ATP5MC2: variants seen among roughly 807,000 people sequenced by gnomAD.
ATP5MC2 encodes the protein ATP synthase F(0) complex subunit C2, mitochondrial.
A neutral mutation model predicts 13.5 loss-of-function variants in ATP5MC2; 11 were observed. The observed-to-expected ratio is 0.81, with a 90% CI of 0.51 to 1.35. The LOEUF (loss-of-function observed/expected upper bound fraction) is 1.35. ATP5MC2 is among the 40% of genes most tolerant of loss of function. The probability of loss-of-function intolerance (pLI) is 0.00; values close to 1 mark genes in which losing one functional copy is unlikely to be tolerated. For missense variants in ATP5MC2, 132 were observed against 175.0 expected, an observed-to-expected ratio of 0.75 and a Z score of 1.39; for synonymous variants, 64 against 69.7, an observed-to-expected ratio of 0.92 and a Z score of 0.41.
At chr12:53,680,092 C>T (rs1945333120), upstream of ATP5MC2, among the ~76,000 whole-genome samples, 1 of 152,118 alleles carries the variant, frequency 6.6e-6, no homozygotes, top group East Asian at 1.9e-4. Context: ...TTCAATTGAT[C>T]CACCTGCCTC....
upstream of ATP5MC2, among the ~76,000 whole-genome samples, chr12:53,678,942 C>G (rs549272706): frequency 2.9e-4 from 44 of 152,048 alleles, no homozygotes; most frequent in South Asian, 9.2e-3. Context: ...GCCTCCCTGC[C>G]CAGTGGTGAC....
Position 53,669,267 on chromosome 12 carries a change from A to T in ATP5MC2, c.192T>A (p.Ile64=). 1 of 1,614,138 alleles carries T rather than the reference A, an allele frequency of 6.2e-7. No homozygotes were observed. The highest frequency in any genetic ancestry group is 8.5e-7 in the Non-Finnish European group (1 of 1,180,008). ...VSSRSFQTSA[I]SRDIDTAAKF... is the part of the protein sequence containing the mutation. Reference sequence around the variant, plus strand: ...TGGCTGCTGTGTCGATGTCCCTTGAAATGGCGCTGGTTTGGAAGCTGCGGC... The same window carrying T: ...TGGCTGCTGTGTCGATGTCCCTTGATATGGCGCTGGTTTGGAAGCTGCGGC... The change falls in exon 4 of 5, where the codon ATT becomes ATA. Residue 64 remains isoleucine (I), a synonymous_variant. Transcript: ENST00000394349.
Position 53,672,572 on chromosome 12 carries a change from T to TC in ATP5MC2, c.39+3dup. ...AAAACTCTCCCAGAAAAGCAGGTAC[T>TC]CACCAAGGAGGGAGTGGAGACAAAC... On this transcript the variant is annotated splice_donor_region_variant and intron_variant, in intron 2 of 4. Transcript: ENST00000394349. 1 of 1,572,906 alleles carries TC rather than the reference T, an allele frequency of 6.4e-7. No individual in the cohort carries two copies.
chr12:53,675,039 C>T (rs938248915), intron 1 of ATP5MC2, among the ~76,000 whole-genome samples: 1 of 152,116 alleles, frequency 6.6e-6, no homozygotes, highest in African/African-American at 2.4e-5. Context: ...AATAAACCCA[C>T]AACAAGGGGT....
rs1361323989 is a variant in ATP5MC2, at chr12:53,665,306, C to T, written c.*8G>A. The T allele has an allele frequency of 2.5e-6, 4 of 1,603,626 alleles. No homozygotes were observed. The highest frequency in any genetic ancestry group is 2.7e-5 in the African/African-American group (2 of 74,050). ...GCGGGAGAACTATGGGAGGTGGAGA[C>T]GGCTCCTTCACATGGCAAAGAGGAT... On this transcript the variant is annotated 3_prime_UTR_variant, in exon 5 of 5. Coordinates refer to ENST00000394349, the MANE Select transcript of ATP5MC2 (RefSeq NM_005176.7).
At chr12:53,674,005 C>G (rs376748493) in intron 1 of ATP5MC2, 25 of 152,804 alleles carry the variant, frequency 1.6e-4, no homozygotes, top group East Asian at 1.5e-3. Context: ...GGGTGGTGTA[C>G]GTATTAAAAA....
At chr12:53,667,956 C>CACACATATATAT (rs1390194186) in intron 4 of ATP5MC2, among the ~76,000 whole-genome samples, 5 of 67,354 alleles carry the variant, frequency 7.4e-5, no homozygotes, top group African/African-American at 1.4e-4. Flanking sequence ...CATACACACA[C>CACACATATATAT]ATATATATAT....
intron 4 of ATP5MC2, among the ~76,000 whole-genome samples, chr12:53,668,453 G>T (rs1054588584): frequency 6.6e-6 from 1 of 151,112 alleles, no homozygotes; most frequent in African/African-American, 2.4e-5. Flanking sequence ...ATAGGTGCAC[G>T]CCCCCCTTAC....
Position 53,669,855 on chromosome 12 carries a change from C to T in ATP5MC2, c.117+16G>A. ...ATCACCCCCAAAACCACAGTCCCAA[C>T]TCCACTGTAAGGTACCTCATCTGTC... On this transcript the variant is annotated intron_variant, in intron 3 of 4. Coordinates refer to ENST00000394349, the MANE Select transcript of ATP5MC2 (RefSeq NM_005176.7). 6.2e-7 allele frequency: 1 copy of T among 1,613,546 alleles called. No homozygotes were observed. Among genetic ancestry groups the T allele is most frequent in the Non-Finnish European group, 8.5e-7 (1 of 1,179,712 alleles).
Position 53,669,299 on chromosome 12 carries a change from CAA to C in ATP5MC2, c.158_159del (p.Leu53ArgfsTer3). The C allele has an allele frequency of 1.2e-6, 2 of 1,614,040 alleles. No homozygotes were observed. Among genetic ancestry groups the C allele is most frequent in the Non-Finnish European group, 1.7e-6 (2 of 1,179,996 alleles). ...SLAVSCPLTSLVSSRSFQTSA... is the reference protein window; with the variant it reads ...SLAVSCPLTSXVSSRSFQTSA... ...CTGGTTTGGAAGCTGCGGCTAGAGA[CAA>C]GTGAGGTAAGGGGACATGAGACTGC... On this transcript the variant is annotated frameshift_variant, in exon 4 of 5. Transcript: ENST00000394349. LOFTEE classifies it high-confidence loss of function.
chr12:53,679,171 C>G (rs1945326082), upstream of ATP5MC2, among the ~76,000 whole-genome samples: 1 of 143,952 alleles, frequency 6.9e-6, no homozygotes, highest in Non-Finnish European at 1.5e-5. Context: ...GCAGAAAAAT[C>G]AAGATACTCA....
chr12:53,672,430 C>T, intron 2 of ATP5MC2, 146 bp downstream of exon 2: 2 of 844,462 alleles, frequency 2.4e-6, no homozygotes, highest in Non-Finnish European at 3.8e-6. Context: ...CCATGTTGGC[C>T]AGGCTGGTTT....
rs963361566 is a variant in ATP5MC2, at chr12:53,673,117, G to A, written c.-31-472C>T. The A allele has an allele frequency of 1.2e-4, 18 of 154,550 alleles. No homozygotes were observed. The South Asian group carries it at 2.5e-3, about 22-fold the overall frequency. The allele number at this position is 154,550 out of a possible 1,614,324, so 9.6% of individuals were successfully genotyped here. A position where few individuals can be genotyped will look rare whatever the true frequency, so the allele number is the denominator to read the frequency against. ...GGGCGGATCACGAGGTCAGGAGTTC[G>A]AGACCAGCCTGACCAACATGGTGAA... On this transcript the variant is annotated intron_variant, in intron 1 of 4. Transcript: ENST00000394349.
At chr12:53,677,011 A>T (rs1593061675), upstream of ATP5MC2, 2 of 151,658 alleles carry the variant, frequency 1.3e-5, no homozygotes, top group Non-Finnish European at 2.9e-5. Flanking sequence ...CCAGTTCCAA[A>T]CCCCTGCCGT....
At chr12:53,671,107 ACCT>A (rs1945083868) in intron 2 of ATP5MC2, among the ~76,000 whole-genome samples, 1 of 152,006 alleles carries the variant, frequency 6.6e-6, no homozygotes, top group Admixed American at 6.6e-5. Flanking sequence ...CTCAAAACTC[ACCT>A]CCTTCTGGTA....
At chr12:53,667,573 T>C (rs7965111) in intron 4 of ATP5MC2, among the ~76,000 whole-genome samples, 44,374 of 151,938 alleles carry the variant, frequency 0.29, 6,594 homozygotes, top group East Asian at 0.37. Flanking sequence ...CTCTACTCAC[T>C]GCAACCTCCG....
At chr12:53,672,955 C>A (rs963301980) in intron 1 of ATP5MC2, 9 of 278,750 alleles carry the variant, frequency 3.2e-5, no homozygotes, top group Admixed American at 4.9e-5. Flanking sequence ...CCCAGAGTGT[C>A]TTTTGCCTAA....
chr12:53,668,480 T>G (rs1944999300), intron 4 of ATP5MC2, among the ~76,000 whole-genome samples: 1 of 151,226 alleles, frequency 6.6e-6, no homozygotes, highest in Admixed American at 6.6e-5. Context: ...AATTTTTGTA[T>G]TTTTAGTAGA....
intron 2 of ATP5MC2, 60 bp downstream of exon 2, chr12:53,672,516 T>C (rs1036168925): frequency 1.3e-6 from 2 of 1,489,404 alleles, no homozygotes; most frequent in South Asian, 2.4e-5. Flanking sequence ...CAAGGTCTGA[T>C]GGAAAGAGAG....
Sources: gnomAD v4.1 joint callset for allele counts (sites outside exome capture counted in the v4.1 genomes callset) on GRCh38, gnomAD v4.1.1 for gene constraint, MANE v1.5 for transcripts, NCBI Gene and HGNC (gene_info 2026-07-23, HGNC 2026-07-21) for gene names.